POU3F2: variants seen among roughly 807,000 people sequenced by gnomAD.
POU3F2 encodes POU class 3 homeobox 2.
A neutral mutation model predicts 33.1 loss-of-function variants in POU3F2; 11 were observed. The observed-to-expected ratio is 0.33, with a 90% CI of 0.21 to 0.55. The LOEUF is 0.55. Among genes scored for constraint, POU3F2 ranks in the 20% least tolerant of loss-of-function variants. The pLI is 0.91. For synonymous variants in POU3F2, 332 were observed against 289.6 expected (o/e 1.15, Z -1.49); for missense variants, 456 against 620.2 (o/e 0.74, Z 2.81).
At position 98,836,673 on chromosome 6, in the gene POU3F2, A is replaced by C. The variant is rs974375584; in HGVS notation, c.*468A>C. ...ATTTATTGTGGATTCCCATCAGGAA[A>C]GAGGAAAAAATACACATGTTCTTTC... On this transcript the variant is annotated 3_prime_UTR_variant, in exon 1 of 1. Transcript: ENST00000328345. 2 of 168,318 alleles carry C rather than the reference A, an allele frequency of 1.2e-5. No individual in the cohort carries two copies. Among genetic ancestry groups the C allele is most frequent in the African/African-American group, 4.8e-5 (2 of 41,538 alleles). The allele number at this position is 168,318 out of a possible 1,614,324, so 10.4% of individuals were successfully genotyped here. A position where few individuals can be genotyped will look rare whatever the true frequency, so the allele number is the denominator to read the frequency against.
In POU3F2 at chr6:98,835,073, A is replaced by ACGG. The variant is rs751627810; in HGVS notation, c.213_215dup (p.Gly88dup). 2.1e-5 allele frequency: 25 copies of ACGG among 1,218,198 alleles called. No homozygotes were observed. Among genetic ancestry groups the ACGG allele is most frequent in the Admixed American group, 8.4e-5 (2 of 23,844 alleles). 75.5% of individuals were successfully genotyped at this position (1,218,198 alleles called of 1,614,324 possible). ...CACCAGTGGATCACCGCGCTGTCCC[A>ACGG]CGGCGGCGGCGGCGGGGGCGGTGGC... On this transcript the variant is annotated inframe_insertion, in exon 1 of 1. Transcript: ENST00000328345. This position sits in a 1 kb window ranked among gnomAD's most constrained non-coding sequence, Gnocchi z 9.7.
In POU3F2 at chr6:98,836,499, AAG is replaced by A. The variant is rs1054089812; in HGVS notation, c.*304_*305del. On this transcript the variant is annotated 3_prime_UTR_variant, in exon 1 of 1. Coordinates refer to ENST00000328345, the MANE Select transcript of POU3F2 (RefSeq NM_005604.4). ...GTGAGGAGAGTGTGTGATAGCTAGA[AAG>A]AGAGAGAGACAGAGAGATGGCAAGC... 12 of 307,208 alleles carry A rather than the reference AAG, an allele frequency of 3.9e-5. No homozygotes were observed. Among genetic ancestry groups the A allele is most frequent in the Non-Finnish European group, 5.6e-5 (9 of 160,308 alleles). The allele number at this position is 307,208 out of a possible 1,614,324, so 19.0% of individuals were successfully genotyped here. A position where few individuals can be genotyped will look rare whatever the true frequency, so the allele number is the denominator to read the frequency against.
Position 98,836,127 on chromosome 6 carries a change from T to C in POU3F2, c.1254T>C (p.Thr418=), listed in dbSNP as rs1769994023. The change falls in exon 1 of 1, where the codon ACT becomes ACC. Residue 418 remains threonine (T), a synonymous_variant. Coordinates refer to ENST00000328345, the MANE Select transcript of POU3F2 (RefSeq NM_005604.4). ...AAAGGATGACCCCTCCCGGAGGGAC[T>C]CTGCCGGGCGCCGAGGATGTGTACG... ...KEKRMTPPGG[T]LPGAEDVYGG... 1 of 1,604,990 alleles carries C rather than the reference T, an allele frequency of 6.2e-7. No homozygotes were observed. The highest frequency in any genetic ancestry group is 1.4e-5 in the African/African-American group (1 of 73,940).
chr6:98,835,302 G>C lies in POU3F2; in HGVS notation c.429G>C (p.Gln143His). 1 of 1,544,374 alleles carries C rather than the reference G, an allele frequency of 6.5e-7. No homozygotes were observed. Among genetic ancestry groups the C allele is most frequent in the Non-Finnish European group, 8.7e-7 (1 of 1,144,544 alleles). ...AGCAGCAGCAACAGCAGCAACAGCA[G>C]CAGCAGCAGCAGCAACAGCGGCCGC... ...QQQQQQQQQQQQQQQQQRPPH... is the reference protein window; with the variant it reads ...QQQQQQQQQQHQQQQQQRPPH... The change falls in exon 1 of 1, where the codon CAG becomes CAC. Residue 143 changes from glutamine to histidine, a missense_variant. Transcript: ENST00000328345. The surrounding 1 kb of genome is among the most constrained non-coding windows in gnomAD (Gnocchi z 9.7).
rs182079068 is a variant in POU3F2 at position 98,837,917 on chromosome 6, T to C, written c.*1712T>C. ...GGGCGCTAAAAGGGAAAACACTTTT[T>C]ATTAATCTTAAAAGTTTGGGGGTTT... On this transcript the variant is annotated 3_prime_UTR_variant, in exon 1 of 1. Transcript: ENST00000328345. 1 of 166,694 alleles carries C rather than the reference T, an allele frequency of 6.0e-6. No individual in the cohort carries two copies. The highest frequency in any genetic ancestry group is 6.5e-5 in the Admixed American group (1 of 15,290). The allele number at this position is 166,694 out of a possible 1,614,324, so 10.3% of individuals were successfully genotyped here.
chr6:98,836,153 G>A lies in POU3F2; in HGVS notation c.1280G>A (p.Gly427Glu), dbSNP rs1769994490. ...CTGCCGGGCGCCGAGGATGTGTACG[G>A]GGGGAGTAGGGACACTCCACCACAC... ...GTLPGAEDVY[G>E]GSRDTPPHHG... The change falls in exon 1 of 1, where the codon GGG (glycine) becomes GAG (glutamate). Residue 427 changes from glycine to glutamate, a missense_variant. By Grantham distance (98) the Gly-to-Glu change is moderately conservative (BLOSUM62 -2). Around this residue, in one of 6 missense-constraint regions of POU3F2, gnomAD observed 46 missense variants for 45.6 expected, o/e 1.01. Transcript: ENST00000328345. The A allele has an allele frequency of 6.2e-7, 1 of 1,602,450 alleles. No individual in the cohort carries two copies. Among genetic ancestry groups the A allele is most frequent in the Admixed American group, 1.8e-5 (1 of 55,564 alleles).
chr6:98,834,698 A>G lies in POU3F2; in HGVS notation c.-176A>G. The G allele has an allele frequency of 1.5e-6, 1 of 671,142 alleles. No homozygotes were observed. Among genetic ancestry groups the G allele is most frequent in the Non-Finnish European group, 2.4e-6 (1 of 409,736 alleles). 41.6% of individuals were successfully genotyped at this position (671,142 alleles called of 1,614,324 possible). A position where few individuals can be genotyped will look rare whatever the true frequency, so the allele number is the denominator to read the frequency against. On this transcript the variant is annotated 5_prime_UTR_variant, in exon 1 of 1. Coordinates refer to ENST00000328345, the MANE Select transcript of POU3F2 (RefSeq NM_005604.4). ...GGCGGGAGGCGGCGGCGGCGGCAGC[A>G]GCAGCAGTAATAGCAGGAGCAGCAA...
rs760608547 is a variant in POU3F2 at position 98,835,650 on chromosome 6, C to T, written c.777C>T (p.His259=). The part of the protein sequence containing the change: ...PGHPGAHHDP[H]SDEDTPTSDD... The stretch of plus-strand genomic sequence containing the variant: ...ACCCAGGCGCGCACCACGACCCGCA[C>T]TCGGACGAGGACACGCCGACCTCGG... The change falls in exon 1 of 1, where the codon CAC becomes CAT. Residue 259 remains histidine, a synonymous_variant. Transcript: ENST00000328345. This position sits in a 1 kb window ranked among gnomAD's most constrained non-coding sequence, Gnocchi z 9.7. The T allele has an allele frequency of 6.2e-7, 1 of 1,613,210 alleles. No homozygotes were observed. The highest frequency in any genetic ancestry group is 1.7e-5 in the Admixed American group (1 of 60,030).
chr6:98,836,767 G>A lies in POU3F2; in HGVS notation c.*562G>A, dbSNP rs1770004852. 1 of 166,952 alleles carries A rather than the reference G, an allele frequency of 6.0e-6. No homozygotes were observed. Among genetic ancestry groups the A allele is most frequent in the Non-Finnish European group, 1.5e-5 (1 of 68,134 alleles). The allele number at this position is 166,952 out of a possible 1,614,324, so 10.3% of individuals were successfully genotyped here. ...TTGAAGTTTACGTGAACAAATTCAT[G>A]AGCATATTTTCTCTTTCTCCCCACC... is the stretch of plus-strand genomic sequence containing the variant. On this transcript the variant is annotated 3_prime_UTR_variant, in exon 1 of 1. Transcript: ENST00000328345.
rs1770026542 is a variant in POU3F2, at chr6:98,838,207, C to T, written c.*2002C>T. The T allele has an allele frequency of 6.0e-6, 1 of 167,066 alleles. No individual in the cohort carries two copies. Among genetic ancestry groups the T allele is most frequent in the Non-Finnish European group, 1.5e-5 (1 of 68,132 alleles). 10.3% of individuals were successfully genotyped at this position (167,066 alleles called of 1,614,324 possible). Reference sequence around the variant, plus strand: ...TCACAAGGAGATGGGCACGGAGCTGCTTCGGGTGCATCACGCTGCTCGTTC... The same window carrying T: ...TCACAAGGAGATGGGCACGGAGCTGTTTCGGGTGCATCACGCTGCTCGTTC... On this transcript the variant is annotated 3_prime_UTR_variant, in exon 1 of 1. Coordinates refer to ENST00000328345, the MANE Select transcript of POU3F2 (RefSeq NM_005604.4).
chr6:98,834,965 CG>C lies in POU3F2; in HGVS notation c.98del (p.Gly33AlafsTer165). 1 of 1,598,420 alleles carries C rather than the reference CG, an allele frequency of 6.3e-7. No homozygotes were observed. ...AEPPGGMQQG[A>X]GGYREAQSLV... ...CCGCCCGGCGGCATGCAGCAGGGCG[CG>C]GGGGGCTACCGCGAAGCGCAGAGCC... On this transcript the variant is annotated frameshift_variant, in exon 1 of 1. Transcript: ENST00000328345. LOFTEE classifies it high-confidence loss of function.
Position 98,834,833 on chromosome 6 carries a change from C to A in POU3F2, c.-41C>A. 6.3e-7 allele frequency: 1 copy of A among 1,575,406 alleles called. No homozygotes were observed. Among genetic ancestry groups the A allele is most frequent in the Non-Finnish European group, 8.6e-7 (1 of 1,166,392 alleles). On this transcript the variant is annotated 5_prime_UTR_variant, in exon 1 of 1. Transcript: ENST00000328345. ...GGCGAAAAAGTAACTGTCAAATGCGCGGCTCCTTTAACCGGAGCGCTCAGT... is the reference window on the plus strand; with the variant it reads ...GGCGAAAAAGTAACTGTCAAATGCGAGGCTCCTTTAACCGGAGCGCTCAGT...
Position 98,836,157 on chromosome 6 carries a change from G to C in POU3F2, c.1284G>C (p.Gly428=), listed in dbSNP as rs780196287. ...TLPGAEDVYG[G]SRDTPPHHGV... is the part of the protein sequence containing the mutation. ...CGGGCGCCGAGGATGTGTACGGGGG[G>C]AGTAGGGACACTCCACCACACCACG... The change falls in exon 1 of 1, where the codon GGG becomes GGC. Residue 428 remains glycine (G), a synonymous_variant. Transcript: ENST00000328345. 2 of 1,599,560 alleles carry C rather than the reference G, an allele frequency of 1.3e-6. No individual in the cohort carries two copies. Among genetic ancestry groups the C allele is most frequent in the Admixed American group, 1.8e-5 (1 of 54,534 alleles).
rs377608434 is a variant in POU3F2 at position 98,835,929 on chromosome 6, G to T, written c.1056G>T (p.Gly352=). The T allele has an allele frequency of 1.2e-6, 2 of 1,614,202 alleles. No individual in the cohort carries two copies. The highest frequency in any genetic ancestry group is 2.7e-5 in the African/African-American group (2 of 75,070). Residue 352 remains glycine (G), a synonymous_variant, in exon 1 of 1, where the codon GGG becomes GGT. Coordinates refer to ENST00000328345, the MANE Select transcript of POU3F2 (RefSeq NM_005604.4). The surrounding 1 kb of genome is among the most constrained non-coding windows in gnomAD (Gnocchi z 9.7). ...GCATAGACAAGATCGCAGCGCAAGG[G>T]CGCAAGCGGAAAAAGCGGACCTCCA... The part of the protein sequence containing the change: ...PTSIDKIAAQ[G]RKRKKRTSIE...
chr6:98,836,371 A>T lies in POU3F2; in HGVS notation c.*166A>T. On this transcript the variant is annotated 3_prime_UTR_variant, in exon 1 of 1. Coordinates refer to ENST00000328345, the MANE Select transcript of POU3F2 (RefSeq NM_005604.4). ...AAAAAAATAAGGCAAAAGGAAAGCA[A>T]CTAAGACACTGGACTATCCTTTAAA... 3 of 858,868 alleles carry T rather than the reference A, an allele frequency of 3.5e-6. No homozygotes were observed. The highest frequency in any genetic ancestry group is 5.1e-6 in the Non-Finnish European group (3 of 583,116). 53.2% of individuals were successfully genotyped at this position (858,868 alleles called of 1,614,324 possible). A position where few individuals can be genotyped will look rare whatever the true frequency, so the allele number is the denominator to read the frequency against.
In POU3F2 at chr6:98,838,695, T is replaced by G. The variant is rs1770033379; in HGVS notation, c.*2490T>G. Reference sequence around the variant, plus strand: ...AAAAAATACTTTGTTTTGGTACATTTGGTTGTGCTTGTGGGGAAAATAAAA... The same window carrying G: ...AAAAAATACTTTGTTTTGGTACATTGGGTTGTGCTTGTGGGGAAAATAAAA... On this transcript the variant is annotated 3_prime_UTR_variant, in exon 1 of 1. Coordinates refer to ENST00000328345, the MANE Select transcript of POU3F2 (RefSeq NM_005604.4). 1 of 165,694 alleles carries G rather than the reference T, an allele frequency of 6.0e-6. No individual in the cohort carries two copies. Among genetic ancestry groups the G allele is most frequent in the African/African-American group, 2.4e-5 (1 of 41,468 alleles). The allele number at this position is 165,694 out of a possible 1,614,324, so 10.3% of individuals were successfully genotyped here. A position where few individuals can be genotyped will look rare whatever the true frequency, so the allele number is the denominator to read the frequency against.
rs530140606 is a variant in POU3F2, at chr6:98,836,484, T to G, written c.*279T>G. ...TGTCTCCTGGAGAGAGTGAGGAGAG[T>G]GTGTGATAGCTAGAAAGAGAGAGAG... On this transcript the variant is annotated 3_prime_UTR_variant, in exon 1 of 1. Transcript: ENST00000328345. 13 of 341,820 alleles carry G rather than the reference T, an allele frequency of 3.8e-5. No individual in the cohort carries two copies. The highest frequency in any genetic ancestry group is 6.5e-5 in the Non-Finnish European group (12 of 183,816). 21.2% of individuals were successfully genotyped at this position (341,820 alleles called of 1,614,324 possible).
In POU3F2 at chr6:98,837,261, A is replaced by C. The variant is rs1170369604; in HGVS notation, c.*1056A>C. 1 of 167,126 alleles carries C rather than the reference A, an allele frequency of 6.0e-6. No individual in the cohort carries two copies. The highest frequency in any genetic ancestry group is 2.4e-5 in the African/African-American group (1 of 41,460). The allele number at this position is 167,126 out of a possible 1,614,324, so 10.4% of individuals were successfully genotyped here. A position where few individuals can be genotyped will look rare whatever the true frequency, so the allele number is the denominator to read the frequency against. ...GAGCTCAGGGGAAATGTGGAGGTTAAATATATTTCCAGAGTTGTCCAGCAG... is the reference window on the plus strand; with the variant it reads ...GAGCTCAGGGGAAATGTGGAGGTTACATATATTTCCAGAGTTGTCCAGCAG... On this transcript the variant is annotated 3_prime_UTR_variant, in exon 1 of 1. Transcript: ENST00000328345.
Position 98,835,345 on chromosome 6 carries a change from G to A in POU3F2, c.472G>A (p.Ala158Thr). 1 of 1,546,732 alleles carries A rather than the reference G, an allele frequency of 6.5e-7. No homozygotes were observed. The highest frequency in any genetic ancestry group is 8.7e-7 in the Non-Finnish European group (1 of 1,146,614). ...GCGGCCGCCGCATCTGGTGCACCAC[G>A]CCGCTAACCACCACCCGGGACCCGG... Reference protein sequence around the residue: ...QQRPPHLVHHAANHHPGPGAW... With the variant: ...QQRPPHLVHHTANHHPGPGAW... The change falls in exon 1 of 1, where the codon GCC (alanine) becomes ACC (threonine). Residue 158 changes from alanine (A) to threonine (T), a missense_variant. By Grantham distance (58) the Ala-to-Thr change is moderately conservative (BLOSUM62 0). Coordinates refer to ENST00000328345, the MANE Select transcript of POU3F2 (RefSeq NM_005604.4). This position sits in a 1 kb window ranked among gnomAD's most constrained non-coding sequence, Gnocchi z 9.7.
Sources: allele counts gnomAD v4.1 joint callset, GRCh38; gene constraint gnomAD v4.1.1; regional missense constraint gnomAD v4.1.1; non-coding constraint Gnocchi (gnomAD v3.1); transcripts MANE v1.5; gene names NCBI Gene and HGNC (gene_info 2026-07-23, HGNC 2026-07-21).